TUBGCP3: variants seen among roughly 807,000 people sequenced by gnomAD.
TUBGCP3 encodes the protein gamma-tubulin complex component 3.
A neutral mutation model predicts 123.1 loss-of-function variants in TUBGCP3; 50 were observed. The ratio of observed to expected loss-of-function variants is 0.41; its 90% CI spans 0.32 to 0.51. The LOEUF (loss-of-function observed/expected upper bound fraction) is 0.51. Among genes scored for constraint, TUBGCP3 ranks in the 20% least tolerant of loss-of-function variants. The pLI, the probability that TUBGCP3 is intolerant of heterozygous loss-of-function variation, is 0.36. For synonymous variants in TUBGCP3, 405 were observed against 413.9 expected (o/e 0.98, Z 0.26); for missense variants, 882 against 1,127.0 (o/e 0.78, Z 3.11).
At chr13:112,505,472 C>T (rs772276081) in intron 17 of TUBGCP3, among the ~76,000 whole-genome samples, 6 of 152,208 alleles carry the variant, frequency 3.9e-5, no homozygotes, top group South Asian at 2.1e-4. Context: ...AGACTTGCTA[C>T]GCATGCAGTT....
chr13:112,548,419 T>C lies in TUBGCP3; in HGVS notation c.967-243A>G, dbSNP rs185539577. ...TTGCAGAAGAGGAATGGAAAAAATA[T>C]ATATGGTATAGTTTTCATGAAGTGT... On this transcript the variant is annotated intron_variant, in intron 8 of 21. Transcript: ENST00000261965. Among the ~76,000 whole-genome samples the C allele has an allele frequency of 2.7e-3, 418 of 152,296 alleles. 3 individuals carry two copies. The highest frequency in any genetic ancestry group is 9.6e-3 in the African/African-American group (400 of 41,568).
intron 10 of TUBGCP3, 88 bp downstream of exon 10, chr13:112,547,532 A>G: frequency 7.4e-7 from 1 of 1,357,332 alleles, no homozygotes; most frequent in South Asian, 2.0e-5. Flanking sequence ...CGTGGGAAAG[A>G]CGTGCATGGG....
At chr13:112,555,654 T>C (rs1298433046) in intron 6 of TUBGCP3, among the ~76,000 whole-genome samples, 1 of 152,184 alleles carries the variant, frequency 6.6e-6, no homozygotes, top group African/African-American at 2.4e-5. Context: ...TGAAAAGACA[T>C]AGCCCCTCTG....
At chr13:112,520,211 G>A (rs1876503301) in intron 14 of TUBGCP3, among the ~76,000 whole-genome samples, 190 bp from the exon 15 acceptor site, 2 of 152,144 alleles carry the variant, frequency 1.3e-5, no homozygotes, top group African/African-American at 2.4e-5. Flanking sequence ...TTATTGTGGA[G>A]TTACATTTCT....
chr13:112,572,651 G>C (rs1881501640), intron 1 of TUBGCP3, among the ~76,000 whole-genome samples: 2 of 152,222 alleles, frequency 1.3e-5, no homozygotes, highest in Admixed American at 1.3e-4. Context: ...ACAGGGAACA[G>C]CTGGTCGGCA....
intron 20 of TUBGCP3, 123 bp from the exon 21 acceptor site, chr13:112,489,820 C>A: frequency 2.9e-6 from 2 of 693,622 alleles, no homozygotes; most frequent in South Asian, 1.9e-5. Context: ...CTGTACTGTT[C>A]AACACTTTCA....
At chr13:112,587,864 C>T (rs761331216) in intron 1 of TUBGCP3, 41 bp downstream of exon 1, 8 of 1,549,280 alleles carry the variant, frequency 5.2e-6, no homozygotes, top group African/African-American at 4.2e-5. Flanking sequence ...GAGCAGCCCC[C>T]GGGACGGGTC....
At chr13:112,601,428 T>C in the TUBGCP3 span, among the ~76,000 whole-genome samples, 1 of 152,224 alleles carries the variant, frequency 6.6e-6, no homozygotes, top group African/African-American at 2.4e-5. Flanking sequence ...GGGCTTGAGA[T>C]GAGTGTGGAT....
At chr13:112,572,506 A>G (rs1235356717) in intron 1 of TUBGCP3, among the ~76,000 whole-genome samples, 1 of 151,728 alleles carries the variant, frequency 6.6e-6, no homozygotes, top group Non-Finnish European at 1.5e-5. Context: ...CTTATGAGTG[A>G]GAAGGTCATG....
chr13:112,594,136 G>C, the TUBGCP3 span, among the ~76,000 whole-genome samples: 6 of 152,304 alleles, frequency 3.9e-5, no homozygotes, highest in African/African-American at 1.2e-4. Flanking sequence ...ACAGGAAATA[G>C]AGACAAAATA....
intron 6 of TUBGCP3, 74 bp downstream of exon 6, chr13:112,555,978 T>G: frequency 6.6e-7 from 1 of 1,511,298 alleles, no homozygotes; most frequent in Non-Finnish European, 9.0e-7. Flanking sequence ...GCTCCTGGGC[T>G]GTACTTTAAA....
At chr13:112,554,375 G>A (rs891400787) in intron 7 of TUBGCP3, among the ~76,000 whole-genome samples, 193 bp from the exon 8 acceptor site, 5 of 152,130 alleles carry the variant, frequency 3.3e-5, no homozygotes, top group Non-Finnish European at 7.4e-5. Context: ...CACCTCAAAG[G>A]GCATGGTGAG....
At chr13:112,597,392 A>T in the TUBGCP3 span, among the ~76,000 whole-genome samples, 3 of 152,234 alleles carry the variant, frequency 2.0e-5, no homozygotes, top group African/African-American at 7.2e-5. Context: ...AGAGAAATAA[A>T]ACTTCATTCT....
At chr13:112,579,806 T>TG (rs370516175) in intron 1 of TUBGCP3, among the ~76,000 whole-genome samples, 7 of 152,266 alleles carry the variant, frequency 4.6e-5, no homozygotes, top group African/African-American at 1.7e-4. Context: ...AGCATGCACC[T>TG]GCCCTGAGGC....
At chr13:112,526,478 T>G (rs975957535) in intron 13 of TUBGCP3, among the ~76,000 whole-genome samples, 34 of 130,460 alleles carry the variant, frequency 2.6e-4, no homozygotes, top group Middle Eastern at 0.01. Context: ...ATCACTATCA[T>G]CACACCATCA....
intron 21 of TUBGCP3, among the ~76,000 whole-genome samples, chr13:112,486,477 CA>C (rs1879678822): frequency 6.6e-6 from 1 of 152,260 alleles, no homozygotes; most frequent in Admixed American, 6.5e-5. Flanking sequence ...AGCAAAGTAA[CA>C]GATGTTAGAA....
intron 1 of TUBGCP3, among the ~76,000 whole-genome samples, chr13:112,581,394 C>T (rs998820179): frequency 5.3e-5 from 8 of 152,014 alleles, no homozygotes; most frequent in Non-Finnish European, 8.8e-5. Context: ...ATTAATTTTA[C>T]AAATATTAAA....
chr13:112,554,409 T>TG (rs989811038), intron 7 of TUBGCP3, among the ~76,000 whole-genome samples: 35 of 152,288 alleles, frequency 2.3e-4, no homozygotes, highest in African/African-American at 6.7e-4. Flanking sequence ...ACCCTGCAGT[T>TG]GGCCTGCGGT....
Position 112,516,510 on chromosome 13 carries a change from C to G in TUBGCP3, c.2016G>C (p.Arg672=). The part of the protein sequence containing the change: ...RVFNFLWRAK[R]MEYILTDIRK... Reference sequence around the variant, plus strand: ...GTATGTCAGTGAGGATGTATTCCATCCGCTTCGCCCTCCAGAGGAAGTTAA... The same window carrying G: ...GTATGTCAGTGAGGATGTATTCCATGCGCTTCGCCCTCCAGAGGAAGTTAA... Residue 672 remains arginine, a synonymous_variant, in exon 17 of 22, where the codon CGG becomes CGC. Transcript: ENST00000261965. The G allele has an allele frequency of 6.2e-7, 1 of 1,614,044 alleles. No individual in the cohort carries two copies. The highest frequency in any genetic ancestry group is 8.5e-7 in the Non-Finnish European group (1 of 1,180,006).
Sources: gnomAD v4.1 joint callset for allele counts (sites outside exome capture counted in the v4.1 genomes callset) on GRCh38, gnomAD v4.1.1 for gene constraint, MANE v1.5 for transcripts, NCBI Gene and HGNC (gene_info 2026-07-23, HGNC 2026-07-21) for gene names.